The following TRAP1 variants were observed in gnomAD, a reference collection of about 807,000 sequenced individuals.
TRAP1 encodes TNF receptor associated protein 1, also known as heat shock protein 75 kDa, mitochondrial.
Under a neutral mutation model 89.1 loss-of-function variants are expected in TRAP1, and 102 were observed. The ratio of observed to expected loss-of-function variants is 1.15; its 90% CI spans 0.98 to 1.35. The LOEUF is 1.35. Ranked by LOEUF, TRAP1 falls within the 40% of genes most tolerant of loss-of-function variation. The pLI is 0.00. For synonymous variants in TRAP1, 508 were observed against 388.0 expected (o/e 1.31, Z -3.64); for missense variants, 1,256 against 945.3 (o/e 1.33, Z -4.31).
At chr16:3,698,130 AAT>A (rs1287649847) in intron 1 of TRAP1, among the ~76,000 whole-genome samples, 1 of 151,872 alleles carries the variant, frequency 6.6e-6, no homozygotes. Context: ...GAAAGGATTT[AAT>A]ATAATATTCA....
intron 3 of TRAP1, 107 bp from the exon 4 acceptor site, chr16:3,686,243 T>A: frequency 1.5e-6 from 2 of 1,297,352 alleles, no homozygotes; most frequent in Non-Finnish European, 1.1e-6. Context: ...AGGAGAATAG[T>A]CAATTCTCAA....
intron 4 of TRAP1, among the ~76,000 whole-genome samples, chr16:3,680,749 C>T (rs997533517): frequency 6.6e-6 from 1 of 152,168 alleles, no homozygotes. Context: ...CAAGTCACGA[C>T]GGCTCCACTC....
chr16:3,674,388 T>G lies in TRAP1; in HGVS notation c.995A>C (p.Lys332Thr). ...HDKPRYTLHYKTDAPLNIRSI... is the reference protein window; with the variant it reads ...HDKPRYTLHYTTDAPLNIRSI... The stretch of plus-strand genomic sequence containing the variant: ...GCGGATGTTGAGCGGTGCGTCCGTC[T>G]TATAGTGCAGGGTGTAGCGGGGCTT... The change falls in exon 9 of 18, where the codon AAG becomes ACG. Residue 332 changes from lysine to threonine, a missense_variant. Lys to Thr is a moderately conservative substitution (Grantham distance 78). Transcript: ENST00000246957. 6.2e-7 allele frequency: 1 copy of G among 1,614,080 alleles called. No individual in the cohort carries two copies. The highest frequency in any genetic ancestry group is 8.5e-7 in the Non-Finnish European group (1 of 1,180,026).
At chr16:3,695,673 G>A (rs560015602) in intron 1 of TRAP1, among the ~76,000 whole-genome samples, 1 of 152,220 alleles carries the variant, frequency 6.6e-6, no homozygotes, top group South Asian at 2.1e-4. Context: ...TCTGAAAGAA[G>A]AACTAACCTA....
At chr16:3,668,596 G>C (rs1488904430) in intron 11 of TRAP1, among the ~76,000 whole-genome samples, 1 of 152,150 alleles carries the variant, frequency 6.6e-6, no homozygotes, top group Non-Finnish European at 1.5e-5. Flanking sequence ...TCTTTCAAAA[G>C]CTCTAATTTC....
intron 6 of TRAP1, among the ~76,000 whole-genome samples, chr16:3,677,263 C>A (rs148457822): frequency 7.2e-4 from 110 of 152,276 alleles, no homozygotes; most frequent in Non-Finnish European, 1.5e-3. Flanking sequence ...TCAGCGCGGG[C>A]CGGACCTGCC....
chr16:3,702,237 C>T (rs1253308883), intron 1 of TRAP1, among the ~76,000 whole-genome samples: 2 of 151,632 alleles, frequency 1.3e-5, no homozygotes, highest in African/African-American at 4.9e-5. Context: ...AGTCTAGGGG[C>T]CTCTTAGGAG....
At chr16:3,717,204 G>A (rs2051609032) in intron 1 of TRAP1, among the ~76,000 whole-genome samples, 1 of 152,236 alleles carries the variant, frequency 6.6e-6, no homozygotes, top group African/African-American at 2.4e-5. Context: ...GGGCTCCCAT[G>A]GGCGGGTGGC....
intron 8 of TRAP1, 81 bp from the exon 9 acceptor site, chr16:3,674,575 A>T: frequency 6.5e-7 from 1 of 1,527,668 alleles, no homozygotes; most frequent in South Asian, 1.2e-5. Context: ...GAGCCAGTGC[A>T]GCGCCTGGCC....
intron 3 of TRAP1, among the ~76,000 whole-genome samples, chr16:3,687,863 C>CAA (rs200270261): frequency 0.21 from 23,628 of 110,764 alleles, 2,252 homozygotes; most frequent in South Asian, 0.32. Flanking sequence ...ATTAAAAAAC[C>CAA]AAAAAAAAAA....
chr16:3,698,315 CA>C lies in TRAP1; in HGVS notation c.89-7331del, dbSNP rs1453653085. On this transcript the variant is annotated intron_variant, in intron 1 of 17. Transcript: ENST00000246957. ...TTCAGGTTATGTAAACTTTCCACAACAACTTTTTTTTTTTTTTTTAGAGTCT... is the reference window on the plus strand; with the variant it reads ...TTCAGGTTATGTAAACTTTCCACAACACTTTTTTTTTTTTTTTTAGAGTCT... Among the ~76,000 whole-genome samples the C allele has an allele frequency of 1.5e-3, 224 of 150,858 alleles. 1 individual carries two copies. Among genetic ancestry groups the C allele is most frequent in the East Asian group, 0.012 (59 of 5,018 alleles).
rs749004055 is a variant in TRAP1, at chr16:3,690,977, T to C, written c.97A>G (p.Ile33Val). ...GCTGTGGTCCTCCGAGGACACAGAA[T>C]TGGTTTTCCTGAAAAGACAAATATG... ...ALAAVPGGKP[I>V]LCPRRTTAQL... The change falls in exon 2 of 18, where the codon ATT (isoleucine) becomes GTT (valine). Residue 33 changes from isoleucine (I) to valine (V), a missense_variant. Transcript: ENST00000246957. 4 of 1,506,482 alleles carry C rather than the reference T, an allele frequency of 2.7e-6. No homozygotes were observed. Among genetic ancestry groups the C allele is most frequent in the Admixed American group, 2.4e-5 (1 of 41,448 alleles). 93.3% of individuals were successfully genotyped at this position (1,506,482 alleles called of 1,614,324 possible). A position where few individuals can be genotyped will look rare whatever the true frequency, so the allele number is the denominator to read the frequency against.
chr16:3,686,059 T>G lies in TRAP1; in HGVS notation c.408A>C (p.Gln136His). Residue 136 changes from glutamine to histidine, a missense_variant, in exon 4 of 18, where the codon CAA becomes CAC. Coordinates refer to ENST00000246957, the MANE Select transcript of TRAP1 (RefSeq NM_016292.3). ...AGTGAATCTCCATTTCTGGCAGTGC[T>G]TGGCCGTCAGACACCAGTTTGTGAC... ...KLRHKLVSDG[Q>H]ALPEMEIHLQ... The G allele has an allele frequency of 6.2e-7, 1 of 1,614,150 alleles. No homozygotes were observed. The highest frequency in any genetic ancestry group is 8.5e-7 in the Non-Finnish European group (1 of 1,180,018).
chr16:3,667,591 CT>C, intron 11 of TRAP1, among the ~76,000 whole-genome samples: 1 of 150,434 alleles, frequency 6.6e-6, no homozygotes, highest in Non-Finnish European at 1.5e-5. Context: ...CGCCACTGCA[CT>C]CCAGCCTGAG....
intron 15 of TRAP1, chr16:3,662,354 G>C (rs958919938): frequency 3.2e-6 from 2 of 619,596 alleles, no homozygotes; most frequent in South Asian, 4.1e-5. Flanking sequence ...CACCACCCTG[G>C]TGCCCCGCTG....
intron 4 of TRAP1, among the ~76,000 whole-genome samples, chr16:3,684,649 G>A (rs902877955): frequency 6.6e-5 from 10 of 152,038 alleles, no homozygotes; most frequent in African/African-American, 2.4e-4. Flanking sequence ...AATTAGTTGG[G>A]CATCATGGCA....
rs774744462 is a variant in TRAP1 at position 3,671,705 on chromosome 16, C to A, written c.1235+17G>T. ...CTTGTCCCCAGCAGGGTCCTCTCCCCGCGGCCCGAGGCTCACCTGATGAGT... is the reference window on the plus strand; with the variant it reads ...CTTGTCCCCAGCAGGGTCCTCTCCCAGCGGCCCGAGGCTCACCTGATGAGT... On this transcript the variant is annotated intron_variant, in intron 11 of 17. Coordinates refer to ENST00000246957, the MANE Select transcript of TRAP1 (RefSeq NM_016292.3). 1 of 1,611,254 alleles carries A rather than the reference C, an allele frequency of 6.2e-7. No individual in the cohort carries two copies.
intron 16 of TRAP1, chr16:3,661,719 C>T (rs887834317): frequency 1.8e-5 from 7 of 388,904 alleles, no homozygotes; most frequent in Non-Finnish European, 3.2e-5. Context: ...AGGACACGCA[C>T]AGGTGGCAAA....
At chr16:3,663,758 C>G in intron 13 of TRAP1, 196 bp from the exon 14 acceptor site, 1 of 628,482 alleles carries the variant, frequency 1.6e-6, no homozygotes, top group South Asian at 2.0e-5. Flanking sequence ...GCCTTCAAGG[C>G]AGAAGCACTC....
Sources: gnomAD v4.1 joint callset for allele counts (sites outside exome capture counted in the v4.1 genomes callset) on GRCh38, gnomAD v4.1.1 for gene constraint, MANE v1.5 for transcripts, NCBI Gene and HGNC (gene_info 2026-07-23, HGNC 2026-07-21) for gene names.